The following CRIPT variants were observed in gnomAD, a reference collection of about 807,000 sequenced individuals.
CRIPT encodes cysteine-rich PDZ-binding protein.
In CRIPT, 20 loss-of-function variants were observed where a neutral mutation model predicts 16.6. The ratio of observed to expected loss-of-function variants is 1.20; its 90% CI spans 0.85 to 1.75. The LOEUF (loss-of-function observed/expected upper bound fraction) is 1.75. Among genes scored for constraint, CRIPT ranks in the 40% most tolerant of loss-of-function variants. The probability of loss-of-function intolerance (pLI) is 0.00; values close to 1 mark genes in which losing one functional copy is unlikely to be tolerated. For synonymous variants in CRIPT, 42 were observed against 37.0 expected (o/e 1.14, Z -0.49); for missense variants, 133 against 115.3 (o/e 1.15, Z -0.70).
Position 46,629,518 on chromosome 2 carries a change from C to T in CRIPT, c.*5291C>T, listed in dbSNP as rs1178408875. ...ATAACCCTCTAATCTGGAGCAGTTC[C>T]TCAGCTTTTCTTTGTTTTTTATAAT... On this transcript the variant is annotated 3_prime_UTR_variant, in exon 5 of 5. Coordinates refer to ENST00000238892, the MANE Select transcript of CRIPT (RefSeq NM_014171.6). 6.6e-6 allele frequency among the ~76,000 whole-genome samples: 1 copy of T among 152,148 alleles called. No individual in the cohort carries two copies. Among genetic ancestry groups the T allele is most frequent in the African/African-American group, 2.4e-5 (1 of 41,428 alleles).
intron 3 of CRIPT, 129 bp downstream of exon 3, chr2:46,619,810 A>G: frequency 1.6e-6 from 1 of 633,380 alleles, no homozygotes; most frequent in Non-Finnish European, 2.8e-6. Context: ...AGCACTCAGA[A>G]CCAAGCTATC....
At chr2:46,618,083 A>T (rs1670710364) in intron 1 of CRIPT, among the ~76,000 whole-genome samples, 2 of 149,946 alleles carry the variant, frequency 1.3e-5, no homozygotes, top group African/African-American at 4.9e-5. Context: ...CACATATCCA[A>T]ATCCTCTGTC....
Position 46,624,301 on chromosome 2 carries a change from C to A in CRIPT, c.*74C>A. The A allele has an allele frequency of 2.2e-6, 2 of 911,910 alleles. No individual in the cohort carries two copies. The highest frequency in any genetic ancestry group is 4.0e-5 in the South Asian group (2 of 49,504). 56.5% of individuals were successfully genotyped at this position (911,910 alleles called of 1,614,324 possible). A position where few individuals can be genotyped will look rare whatever the true frequency, so the allele number is the denominator to read the frequency against. On this transcript the variant is annotated 3_prime_UTR_variant, in exon 5 of 5. Transcript: ENST00000238892. ...TGAATTTTCAAGGCATAGATGTCAA[C>A]TTACAGAATAACATGTTTTAAGATA...
rs768610241 is a variant in CRIPT at position 46,617,327 on chromosome 2, G to A, written c.16+29G>A. The A allele has an allele frequency of 1.9e-6, 3 of 1,552,500 alleles. No homozygotes were observed. In the South Asian group the frequency reaches 3.6e-5, roughly 18 times the overall value. ...AGTTAAGGGGCCGCTTCTGCGGGAG[G>A]AGGAGGCTGGGAGAACCTAACTGAG... On this transcript the variant is annotated intron_variant, in intron 1 of 4. Coordinates refer to ENST00000238892, the MANE Select transcript of CRIPT (RefSeq NM_014171.6).
At chr2:46,618,971 G>A (rs926341839) in intron 2 of CRIPT, 133 bp downstream of exon 2, 3 of 547,248 alleles carry the variant, frequency 5.5e-6, no homozygotes, top group East Asian at 3.3e-5. Flanking sequence ...AAGAATACTG[G>A]GTCCTCAAGT....
chr2:46,624,128 T>G (rs1670878127), intron 4 of CRIPT, 35 bp from the exon 5 acceptor site: 2 of 1,478,610 alleles, frequency 1.4e-6, no homozygotes, highest in Non-Finnish European at 1.8e-6. Flanking sequence ...GTTGGTATTA[T>G]GATTTGATTG....
At position 46,617,274 on chromosome 2, in the gene CRIPT, T is replaced by C; in HGVS notation, c.-9T>C. On this transcript the variant is annotated 5_prime_UTR_variant, in exon 1 of 5. Transcript: ENST00000238892. ...GCTGTTGCGGCTAGGGGAACCGTCG[T>C]GGGGAAGGATGGTGTGCGAAAAATG... The C allele has an allele frequency of 6.4e-7, 1 of 1,554,554 alleles. No homozygotes were observed. The highest frequency in any genetic ancestry group is 8.7e-7 in the Non-Finnish European group (1 of 1,148,092).
intron 1 of CRIPT, among the ~76,000 whole-genome samples, chr2:46,617,593 A>G (rs2104162986): frequency 6.6e-6 from 1 of 152,202 alleles, no homozygotes; most frequent in Non-Finnish European, 1.5e-5. Flanking sequence ...TTAAACCCCA[A>G]CGACACCTTT....
chr2:46,618,920 G>A, intron 2 of CRIPT, 82 bp downstream of exon 2: 2 of 851,150 alleles, frequency 2.3e-6, no homozygotes, highest in Non-Finnish European at 3.8e-6. Context: ...TTTGTACAAT[G>A]AAATGTTATG....
rs143660848 is a variant in CRIPT, at chr2:46,625,375, CTTTTTTTTTTTTTT to C, written c.*1163_*1176del. The C allele has an allele frequency of 1.3e-5, 1 of 75,988 alleles. No homozygotes were observed. Among genetic ancestry groups the C allele is most frequent in the Non-Finnish European group, 2.4e-5 (1 of 42,350 alleles). 4.7% of individuals were successfully genotyped at this position (75,988 alleles called of 1,614,324 possible). A position where few individuals can be genotyped will look rare whatever the true frequency, so the allele number is the denominator to read the frequency against. Reference sequence around the variant, plus strand: ...GTGAGCCACAGAACTTGGCCTCTCTCTTTTTTTTTTTTTTTTTTTTTTTTTTTTAACACTACAGG... The same window carrying C: ...GTGAGCCACAGAACTTGGCCTCTCTCTTTTTTTTTTTTTTAACACTACAGG... On this transcript the variant is annotated 3_prime_UTR_variant, in exon 5 of 5. Coordinates refer to ENST00000238892, the MANE Select transcript of CRIPT (RefSeq NM_014171.6).
At position 46,625,322 on chromosome 2, in the gene CRIPT, C is replaced by T. The variant is rs1021916023; in HGVS notation, c.*1095C>T. On this transcript the variant is annotated 3_prime_UTR_variant, in exon 5 of 5. Transcript: ENST00000238892. ...CTGATCTCAAGCAATCCTCTGGCCT[C>T]AGCCTTCCGAAGTGCTGGGATACAG... 1.3e-5 allele frequency: 2 copies of T among 150,594 alleles called. No homozygotes were observed. Among genetic ancestry groups the T allele is most frequent in the African/African-American group, 2.4e-5 (1 of 41,008 alleles). The allele number at this position is 150,594 out of a possible 1,614,324, so 9.3% of individuals were successfully genotyped here.
At chr2:46,620,689 T>C (rs977597193) in intron 3 of CRIPT, among the ~76,000 whole-genome samples, 1 of 142,790 alleles carries the variant, frequency 7.0e-6, no homozygotes, top group African/African-American at 2.8e-5. Context: ...CTATATGTTA[T>C]ATATATATAT....
Position 46,620,779 on chromosome 2 carries a change from C to T in CRIPT, c.137+1098C>T, listed in dbSNP as rs562580401. 2.1e-4 allele frequency among the ~76,000 whole-genome samples: 31 copies of T among 150,678 alleles called. 1 individual carries two copies. The highest frequency in any genetic ancestry group is 7.5e-4 in the African/African-American group (31 of 41,116). ...CAAATTTATACCTCTGGCCTGACTT[C>T]TCTGAGCTCTAAACGTATATCTAGC... On this transcript the variant is annotated intron_variant, in intron 3 of 4. Transcript: ENST00000238892.
Position 46,619,608 on chromosome 2 carries a change from A to G in CRIPT, c.83-19A>G, listed in dbSNP as rs758531414. ...ATGTATAGAAATAACCCACTAAAAT[A>G]TCTTTTATTCTGATACAGAAAGTGG... On this transcript the variant is annotated intron_variant, in intron 2 of 4. Transcript: ENST00000238892. 8 of 1,578,288 alleles carry G rather than the reference A, an allele frequency of 5.1e-6. No individual in the cohort carries two copies. The highest frequency in any genetic ancestry group is 1.7e-5 in the Admixed American group (1 of 57,332).
intron 1 of CRIPT, 143 bp downstream of exon 1, chr2:46,617,441 C>T (rs964569275): frequency 1.1e-6 from 1 of 883,108 alleles, no homozygotes; most frequent in Non-Finnish European, 1.7e-6. Context: ...ACCCTTTGAC[C>T]ATTTTTGCAC....
At chr2:46,621,268 C>T (rs1471272398) in intron 3 of CRIPT, among the ~76,000 whole-genome samples, 1 of 152,212 alleles carries the variant, frequency 6.6e-6, no homozygotes, top group African/African-American at 2.4e-5. Flanking sequence ...ACCTCTCCGG[C>T]TTCGTATTGT....
rs969996681 is a variant in CRIPT, at chr2:46,626,685, A to G, written c.*2458A>G. Among the ~76,000 whole-genome samples the G allele has an allele frequency of 6.6e-6, 1 of 151,848 alleles. No individual in the cohort carries two copies. Among genetic ancestry groups the G allele is most frequent in the Admixed American group, 6.6e-5 (1 of 15,240 alleles). On this transcript the variant is annotated 3_prime_UTR_variant, in exon 5 of 5. Coordinates refer to ENST00000238892, the MANE Select transcript of CRIPT (RefSeq NM_014171.6). ...TCTGACTGGTGTGAGATTGTAACTC[A>G]TTGTGGTTTTGATTTGCATTTATCT...
At chr2:46,623,284 T>G (rs1324724786) in intron 3 of CRIPT, among the ~76,000 whole-genome samples, 1 of 152,224 alleles carries the variant, frequency 6.6e-6, no homozygotes, top group Non-Finnish European at 1.5e-5. Flanking sequence ...TCAGTTTCTT[T>G]AAAGTAGAGC....
chr2:46,619,357 T>C (rs1041547541), intron 2 of CRIPT, among the ~76,000 whole-genome samples: 12 of 151,882 alleles, frequency 7.9e-5, no homozygotes, highest in African/African-American at 2.7e-4. Context: ...TAGTGGCTTC[T>C]AGATTTTATG....
Sources: allele counts gnomAD v4.1 joint callset (sites outside exome capture counted in the v4.1 genomes callset), GRCh38; gene constraint gnomAD v4.1.1; transcripts MANE v1.5; gene names NCBI Gene and HGNC (gene_info 2026-07-23, HGNC 2026-07-21).